The following ERBB4 variants were observed in gnomAD, a reference collection of about 807,000 sequenced individuals.
The protein encoded by ERBB4 is erb-b2 receptor tyrosine kinase 4.
Under a neutral mutation model 158.0 loss-of-function variants are expected in ERBB4, and 42 were observed. That is an observed-to-expected ratio of 0.27 (90% confidence interval 0.21 to 0.34). The LOEUF is 0.34. ERBB4 is among the 10% of genes least tolerant of loss of function. The pLI is 1.00. For synonymous variants in ERBB4, 583 were observed against 558.7 expected (o/e 1.04, Z -0.61); for missense variants, 1,333 against 1,624.1 (o/e 0.82, Z 3.08).
At chr2:212,286,594 C>CTTTTTTTTTTTTTTTTTT (rs71054190) in intron 1 of ERBB4, among the ~76,000 whole-genome samples, 2 of 55,540 alleles carry the variant, frequency 3.6e-5, no homozygotes, top group African/African-American at 1.2e-4. Context: ...TAAGTGCTGA[C>CTTTTTTTTTTTTTTTTTT]TTTTTTTTTT....
At chr2:211,633,433 T>C (rs2070222238) in intron 16 of ERBB4, among the ~76,000 whole-genome samples, 1 of 151,106 alleles carries the variant, frequency 6.6e-6, no homozygotes, top group Non-Finnish European at 1.5e-5. Context: ...TAGTTGTCTC[T>C]GGGTAGTGTG....
chr2:211,747,096 G>C (rs888894546), intron 5 of ERBB4, among the ~76,000 whole-genome samples: 4 of 151,968 alleles, frequency 2.6e-5, no homozygotes, highest in African/African-American at 9.7e-5. Flanking sequence ...ATCTCTTCAG[G>C]TTCAAGTTTC....
chr2:212,156,886 C>A (rs1014690708), intron 1 of ERBB4, among the ~76,000 whole-genome samples: 3 of 152,006 alleles, frequency 2.0e-5, no homozygotes, highest in Admixed American at 1.3e-4. Flanking sequence ...TCCCGTAGGC[C>A]CACTGCTACT....
intron 1 of ERBB4, among the ~76,000 whole-genome samples, chr2:212,160,052 T>C (rs1307061082): frequency 6.6e-6 from 1 of 152,008 alleles, no homozygotes; most frequent in Non-Finnish European, 1.5e-5. Context: ...CTTCAAACTA[T>C]TCAGTTTCTC....
chr2:211,554,231 T>G (rs1190967732), intron 20 of ERBB4, among the ~76,000 whole-genome samples: 1 of 152,200 alleles, frequency 6.6e-6, no homozygotes, highest in African/African-American at 2.4e-5. Flanking sequence ...GGCATAGCAC[T>G]CAGGCATTTC....
At chr2:212,068,294 C>T (rs1199786940) in intron 2 of ERBB4, among the ~76,000 whole-genome samples, 2 of 151,962 alleles carry the variant, frequency 1.3e-5, no homozygotes, top group Non-Finnish European at 2.9e-5. Context: ...AATACTGATG[C>T]TCTAAGTGCT....
At chr2:211,990,566 C>T (rs977256768) in intron 2 of ERBB4, among the ~76,000 whole-genome samples, 5 of 150,724 alleles carry the variant, frequency 3.3e-5, no homozygotes, top group African/African-American at 1.2e-4. Flanking sequence ...AAGGACCATT[C>T]AGGCAGTTCC....
chr2:211,771,581 A>C (rs1223056929), intron 4 of ERBB4, among the ~76,000 whole-genome samples: 1 of 152,244 alleles, frequency 6.6e-6, no homozygotes, highest in Admixed American at 6.5e-5. Flanking sequence ...GTAAGTATAC[A>C]GTTTAATAAT....
intron 20 of ERBB4, among the ~76,000 whole-genome samples, chr2:211,512,899 A>G (rs2065916816): frequency 6.6e-6 from 1 of 152,130 alleles, no homozygotes; most frequent in African/African-American, 2.4e-5. Context: ...TTCTGAGAAT[A>G]TGCTTAAATA....
intron 1 of ERBB4, among the ~76,000 whole-genome samples, chr2:212,365,297 T>G (rs909106950): frequency 6.6e-6 from 1 of 151,770 alleles, no homozygotes; most frequent in Non-Finnish European, 1.5e-5. Context: ...CTTTTTACAT[T>G]GACTAACGTT....
intron 3 of ERBB4, among the ~76,000 whole-genome samples, chr2:211,889,531 G>A (rs62184536): frequency 1.1e-4 from 17 of 151,850 alleles, no homozygotes; most frequent in African/African-American, 3.9e-4. Context: ...CACCAGCAAC[G>A]GAACAAGGAA....
chr2:212,005,377 G>A (rs900476879), intron 2 of ERBB4, among the ~76,000 whole-genome samples: 8 of 151,848 alleles, frequency 5.3e-5, no homozygotes, highest in Admixed American at 3.3e-4. Flanking sequence ...CACCTTTTGG[G>A]GACAGCTACA....
chr2:212,154,141 T>G (rs1448692848), intron 1 of ERBB4, among the ~76,000 whole-genome samples: 1 of 152,140 alleles, frequency 6.6e-6, no homozygotes, highest in African/African-American at 2.4e-5. Flanking sequence ...GATGGGCAAA[T>G]GAATGAATGA....
chr2:211,487,022 G>C (rs902292760), intron 20 of ERBB4, among the ~76,000 whole-genome samples: 2 of 150,624 alleles, frequency 1.3e-5, no homozygotes, highest in African/African-American at 4.9e-5. Context: ...TATACTTTAA[G>C]TTTTAGGGTA....
chr2:211,905,745 T>C (rs752369195), intron 3 of ERBB4, among the ~76,000 whole-genome samples: 3 of 51,208 alleles, frequency 5.9e-5, no homozygotes, highest in African/African-American at 1.3e-4. Flanking sequence ...CATGTGTGTG[T>C]ATATATATAT....
At chr2:211,560,102 G>C (rs1012770539) in intron 20 of ERBB4, among the ~76,000 whole-genome samples, 1 of 151,830 alleles carries the variant, frequency 6.6e-6, no homozygotes, top group African/African-American at 2.4e-5. Flanking sequence ...AAGGCAAAAA[G>C]GTATAAAACT....
intron 3 of ERBB4, among the ~76,000 whole-genome samples, chr2:211,848,652 T>C (rs2077647843): frequency 6.6e-6 from 1 of 152,002 alleles, no homozygotes; most frequent in African/African-American, 2.4e-5. Context: ...CAAAACCATA[T>C]TGGTCTTTGT....
intron 20 of ERBB4, among the ~76,000 whole-genome samples, chr2:211,439,544 A>C (rs531443556): frequency 3.2e-4 from 49 of 152,304 alleles, no homozygotes; most frequent in African/African-American, 1.2e-3. Context: ...GTCATATAGC[A>C]TAATGGTTAA....
intron 1 of ERBB4, among the ~76,000 whole-genome samples, chr2:212,408,095 T>C (rs1328085034): frequency 6.6e-6 from 1 of 152,092 alleles, no homozygotes; most frequent in Non-Finnish European, 1.5e-5. Context: ...TATTTATTTA[T>C]TTTTAAGTTC....
Sources: gnomAD v4.1 joint callset for allele counts (sites outside exome capture counted in the v4.1 genomes callset) on GRCh38, gnomAD v4.1.1 for gene constraint, MANE v1.5 for transcripts, NCBI Gene and HGNC (gene_info 2026-07-23, HGNC 2026-07-21) for gene names.